Variants in GALNT13 observed in about 807,000 individuals in gnomAD.
GALNT13 encodes the protein polypeptide N-acetylgalactosaminyltransferase 13, also known as UDP-GalNAc:polypeptide N-acetylgalactosaminyltransferase 13.
Under a neutral mutation model 64.2 loss-of-function variants are expected in GALNT13, and 28 were observed. The ratio of observed to expected loss-of-function variants is 0.44; its 90% CI spans 0.32 to 0.60. The LOEUF (loss-of-function observed/expected upper bound fraction) is 0.60. Ranked by LOEUF, GALNT13 falls within the 20% of genes least tolerant of loss-of-function variation. The pLI is 0.05. For missense variants in GALNT13, 577 were observed against 669.8 expected (o/e 0.86, Z 1.53); for synonymous variants, 214 against 224.6 (o/e 0.95, Z 0.42).
the GALNT13 span, among the ~76,000 whole-genome samples, chr2:153,205,679 C>T: frequency 2.0e-5 from 3 of 152,068 alleles, no homozygotes; most frequent in South Asian, 6.2e-4. Flanking sequence ...CCTTGCTGAG[C>T]ACTTTTGCAC....
chr2:153,969,014 T>G (rs1693564777), intron 3 of GALNT13, among the ~76,000 whole-genome samples: 1 of 152,100 alleles, frequency 6.6e-6, no homozygotes, highest in South Asian at 2.1e-4. Context: ...TTATTTAGAG[T>G]AATAATGAGG....
the GALNT13 span, among the ~76,000 whole-genome samples, chr2:153,532,254 A>G: frequency 6.6e-6 from 1 of 152,102 alleles, no homozygotes. Flanking sequence ...TGCATTCTGC[A>G]TACCCACAGG....
At chr2:154,115,361 G>A (rs1385461486) in intron 3 of GALNT13, among the ~76,000 whole-genome samples, 5 of 151,982 alleles carry the variant, frequency 3.3e-5, no homozygotes, top group African/African-American at 1.2e-4. Context: ...GTGCAGGTTT[G>A]TTACATATGT....
chr2:153,953,162 G>A (rs1168896940), intron 3 of GALNT13, among the ~76,000 whole-genome samples: 1 of 152,012 alleles, frequency 6.6e-6, no homozygotes, highest in Non-Finnish European at 1.5e-5. Context: ...ACTGTCACAT[G>A]ATATTCTAGA....
chr2:153,969,563 T>A (rs1693608930), intron 3 of GALNT13, among the ~76,000 whole-genome samples: 1 of 152,104 alleles, frequency 6.6e-6, no homozygotes, highest in Admixed American at 6.5e-5. Context: ...CTTTATTTCA[T>A]TTTTACATCC....
At chr2:153,804,577 TA>T in the GALNT13 span, among the ~76,000 whole-genome samples, 13 of 152,168 alleles carry the variant, frequency 8.5e-5, no homozygotes, top group Non-Finnish European at 1.8e-4. Flanking sequence ...TCATTTTCAT[TA>T]AAAAAACTCG....
the GALNT13 span, among the ~76,000 whole-genome samples, chr2:153,757,271 T>G: frequency 6.6e-6 from 1 of 152,156 alleles, no homozygotes; most frequent in East Asian, 1.9e-4. Context: ...CATGTGGCCT[T>G]TGTCTTTCTA....
the GALNT13 span, among the ~76,000 whole-genome samples, chr2:153,174,549 C>T: frequency 7.0e-6 from 1 of 142,296 alleles, no homozygotes; most frequent in Non-Finnish European, 1.5e-5. Context: ...TTAACTATTT[C>T]TTCTTAAATG....
chr2:153,225,281 T>C, the GALNT13 span, among the ~76,000 whole-genome samples: 2 of 152,200 alleles, frequency 1.3e-5, no homozygotes, highest in Non-Finnish European at 2.9e-5. Flanking sequence ...TTAAAACTGA[T>C]TTATGATTTA....
chr2:154,176,660 A>G (rs1257894010), intron 4 of GALNT13, among the ~76,000 whole-genome samples: 1 of 152,212 alleles, frequency 6.6e-6, no homozygotes, highest in Admixed American at 6.6e-5. Context: ...GGATAATGGT[A>G]TGAATGATGT....
chr2:154,034,164 A>T (rs1451886043), intron 3 of GALNT13, among the ~76,000 whole-genome samples: 1 of 152,148 alleles, frequency 6.6e-6, no homozygotes, highest in Non-Finnish European at 1.5e-5. Context: ...ACAAAATCTT[A>T]TACGTAAATA....
intron 3 of GALNT13, among the ~76,000 whole-genome samples, chr2:153,957,061 T>C (rs1692615108): frequency 6.6e-6 from 1 of 152,204 alleles, no homozygotes; most frequent in South Asian, 2.1e-4. Context: ...TAATCAACTT[T>C]GACTAGTCAT....
At chr2:153,633,092 C>T in the GALNT13 span, among the ~76,000 whole-genome samples, 47 of 152,176 alleles carry the variant, frequency 3.1e-4, no homozygotes, top group African/African-American at 9.1e-4. Flanking sequence ...AATAATATTT[C>T]GCTGCATGGT....
At chr2:153,947,335 G>T (rs1691833490) in intron 3 of GALNT13, among the ~76,000 whole-genome samples, 1 of 151,846 alleles carries the variant, frequency 6.6e-6, no homozygotes, top group South Asian at 2.1e-4. Context: ...GTGACTGTGT[G>T]TGTGTGTGCG....
chr2:154,097,022 A>G (rs72870368), intron 3 of GALNT13, among the ~76,000 whole-genome samples: 13 of 9,884 alleles, frequency 1.3e-3, no homozygotes, highest in Non-Finnish European at 3.1e-3. Context: ...AAGTAAGTAA[A>G]TAAATAAATA....
At chr2:154,124,668 T>C (rs1385351974) in intron 3 of GALNT13, among the ~76,000 whole-genome samples, 1 of 151,892 alleles carries the variant, frequency 6.6e-6, no homozygotes, top group Non-Finnish European at 1.5e-5. Flanking sequence ...TTAATTTTAA[T>C]AGATATGGAT....
At chr2:153,090,818 G>C in the GALNT13 span, among the ~76,000 whole-genome samples, 3 of 152,250 alleles carry the variant, frequency 2.0e-5, no homozygotes, top group South Asian at 2.1e-4. Context: ...AATGGGGAAT[G>C]GTTCTCAGGC....
At chr2:154,200,043 T>G (rs1687089532) in intron 4 of GALNT13, among the ~76,000 whole-genome samples, 1 of 152,044 alleles carries the variant, frequency 6.6e-6, no homozygotes, top group African/African-American at 2.4e-5. Context: ...CTTCCACTAG[T>G]AATTTATTTA....
At chr2:153,709,742 A>G in the GALNT13 span, among the ~76,000 whole-genome samples, 3 of 152,078 alleles carry the variant, frequency 2.0e-5, no homozygotes, top group Admixed American at 2.0e-4. Flanking sequence ...AATCAACTTC[A>G]GTGCCCATCA....
Sources: gnomAD v4.1 joint callset for allele counts (sites outside exome capture counted in the v4.1 genomes callset) on GRCh38, gnomAD v4.1.1 for gene constraint, MANE v1.5 for transcripts, NCBI Gene and HGNC (gene_info 2026-07-23, HGNC 2026-07-21) for gene names.